MCMDC2: variants seen among roughly 807,000 people sequenced by gnomAD.
MCMDC2 encodes the protein minichromosome maintenance domain containing 2.
In MCMDC2, 54 loss-of-function variants were observed where a neutral mutation model predicts 75.8. The ratio of observed to expected loss-of-function variants is 0.71; its 90% CI spans 0.57 to 0.89. The LOEUF (loss-of-function observed/expected upper bound fraction) is 0.89. Ranked by LOEUF, MCMDC2 falls within the 40% of genes least tolerant of loss-of-function variation. The pLI, the probability that MCMDC2 is intolerant of heterozygous loss-of-function variation, is 0.00. For missense variants in MCMDC2, 656 were observed against 780.4 expected, an observed-to-expected ratio of 0.84 and a Z score of 1.90; for synonymous variants, 249 against 274.6, an observed-to-expected ratio of 0.91 and a Z score of 0.92.
At chr8:66,898,624 CAAA>C (rs1405645692) in intron 12 of MCMDC2, among the ~76,000 whole-genome samples, 5 of 58,604 alleles carry the variant, frequency 8.5e-5, no homozygotes, top group Admixed American at 3.7e-4. Context: ...AACTCCGTCT[CAAA>C]AAAAAAAAAA....
intron 14 of MCMDC2, 30 bp downstream of exon 14, chr8:66,905,365 C>A: frequency 1.4e-6 from 2 of 1,396,926 alleles, no homozygotes; most frequent in Non-Finnish European, 1.9e-6. Context: ...ATGATCACTA[C>A]AAATAACTTT....
intron 14 of MCMDC2, among the ~76,000 whole-genome samples, chr8:66,915,249 C>T (rs1178339979): frequency 6.6e-6 from 1 of 151,914 alleles, no homozygotes; most frequent in Non-Finnish European, 1.5e-5. Flanking sequence ...GTCAGGAGTT[C>T]AAGACCAGCC....
intron 9 of MCMDC2, among the ~76,000 whole-genome samples, chr8:66,886,176 T>C (rs112792389): frequency 6.6e-6 from 1 of 150,710 alleles, no homozygotes; most frequent in Non-Finnish European, 1.5e-5. Flanking sequence ...TTTTTTTTTT[T>C]TTTTTAAGAC....
At position 66,874,249 on chromosome 8, in the gene MCMDC2, G is replaced by A. The variant is rs55780533; in HGVS notation, c.94+15G>A. The A allele has an allele frequency of 0.028, 44,459 of 1,606,242 alleles. 767 individuals carry two copies. The highest frequency in any genetic ancestry group is 0.034 in the Non-Finnish European group (39,945 of 1,177,902). On this transcript the variant is annotated intron_variant, in intron 2 of 14. Transcript: ENST00000422365. Reference sequence around the variant, plus strand: ...GTACTACAATGGTACGTTCAGCAAAGGTGAGTTATTTTTAAAACTTTCAAA... The same window carrying A: ...GTACTACAATGGTACGTTCAGCAAAAGTGAGTTATTTTTAAAACTTTCAAA...
downstream of MCMDC2, chr8:66,922,868 T>A (rs890465474): frequency 1.0e-5 from 2 of 196,452 alleles, no homozygotes; most frequent in Middle Eastern, 2.2e-3. Flanking sequence ...CCAAACCACT[T>A]TTTAATAAAA....
intron 1 of MCMDC2, among the ~76,000 whole-genome samples, chr8:66,873,237 A>G (rs534572888): frequency 2.0e-5 from 3 of 152,282 alleles, no homozygotes; most frequent in Non-Finnish European, 2.9e-5. Flanking sequence ...CTGACACAAT[A>G]TTTAAAATTG....
rs1349058390 is a variant in MCMDC2 at position 66,874,231 on chromosome 8, A to T, written c.91A>T (p.Asn31Tyr). 1.9e-6 allele frequency: 3 copies of T among 1,611,934 alleles called. No homozygotes were observed. The highest frequency in any genetic ancestry group is 2.5e-6 in the Non-Finnish European group (3 of 1,179,434). ...QKFIDDCKYY[N>Y]DSKQSYAVYR... ...GTTTATAGATGATTGCAAGTACTAC[A>T]ATGGTACGTTCAGCAAAGGTGAGTT... is the stretch of plus-strand genomic sequence containing the variant. The change falls in exon 2 of 15, where the codon AAT becomes TAT. Residue 31 changes from asparagine to tyrosine, a missense_variant. Coordinates refer to ENST00000422365, the MANE Select transcript of MCMDC2 (RefSeq NM_173518.5).
At chr8:66,906,289 T>C (rs1352707803) in intron 14 of MCMDC2, among the ~76,000 whole-genome samples, 1 of 152,204 alleles carries the variant, frequency 6.6e-6, no homozygotes, top group Non-Finnish European at 1.5e-5. Flanking sequence ...TTAAAGAATG[T>C]ATTAACACTA....
chr8:66,890,624 G>C (rs1812060206), intron 9 of MCMDC2, among the ~76,000 whole-genome samples: 1 of 151,992 alleles, frequency 6.6e-6, no homozygotes, highest in Admixed American at 6.6e-5. Context: ...AGGTTCAAAT[G>C]ATTCTTGTGT....
chr8:66,896,823 T>A lies in MCMDC2; in HGVS notation c.1490T>A (p.Leu497Ter). ...IPANLVEAFG[L>*]LINCNESSPC... ...GCTAACCTTGTGGAGGCATTTGGTT[T>A]ATTGATTAACTGCAACGAGTCATCT... The change falls in exon 12 of 15, where the codon TTA becomes TAA. Residue 497 changes from leucine (L) to a stop codon, truncating the protein, a stop_gained. Transcript: ENST00000422365. LOFTEE classifies it high-confidence loss of function. 2 of 1,613,364 alleles carry A rather than the reference T, an allele frequency of 1.2e-6. No individual in the cohort carries two copies. Among genetic ancestry groups the A allele is most frequent in the Non-Finnish European group, 1.7e-6 (2 of 1,179,662 alleles).
At chr8:66,896,651 T>C in intron 11 of MCMDC2, 129 bp from the exon 12 acceptor site, 1 of 697,040 alleles carries the variant, frequency 1.4e-6, no homozygotes, top group South Asian at 6.7e-5. Flanking sequence ...TTACCTTAAA[T>C]TATAATTAAT....
intron 14 of MCMDC2, among the ~76,000 whole-genome samples, chr8:66,916,259 G>T (rs1490049712): frequency 6.6e-6 from 1 of 152,060 alleles, no homozygotes; most frequent in East Asian, 1.9e-4. Context: ...GGTGAGAGGG[G>T]TTAGGATCCA....
intron 9 of MCMDC2, chr8:66,884,405 A>C: frequency 5.6e-6 from 1 of 177,600 alleles, no homozygotes; most frequent in Non-Finnish European, 1.2e-5. Flanking sequence ...TGCCATAATT[A>C]CTATCTGGGG....
rs1387941498 is a variant in MCMDC2, at chr8:66,870,777, C to G, written c.-143C>G. On this transcript the variant is annotated 5_prime_UTR_variant, in exon 1 of 15. Transcript: ENST00000422365. The stretch of plus-strand genomic sequence containing the variant: ...ACGTGCGCGCATGCGCGCTAGGACT[C>G]CGCTCCGCCTACGCTGCAGGCGGAG... 6.6e-6 allele frequency: 1 copy of G among 152,242 alleles called. No individual in the cohort carries two copies. The highest frequency in any genetic ancestry group is 1.5e-5 in the Non-Finnish European group (1 of 68,054). 9.4% of individuals were successfully genotyped at this position (152,242 alleles called of 1,614,324 possible). A position where few individuals can be genotyped will look rare whatever the true frequency, so the allele number is the denominator to read the frequency against.
At chr8:66,889,454 A>G (rs186092673) in intron 9 of MCMDC2, among the ~76,000 whole-genome samples, 1 of 152,240 alleles carries the variant, frequency 6.6e-6, no homozygotes, top group African/African-American at 2.4e-5. Flanking sequence ...TGACTGCATC[A>G]TTGCATTCCA....
At position 66,884,001 on chromosome 8, in the gene MCMDC2, A is replaced by G; in HGVS notation, c.1073+7A>G. ...ATACTCTACTCATAGACAGGTATAT[A>G]TGTGACATGAATTTTTACAAATATT... On this transcript the variant is annotated splice_region_variant and intron_variant, in intron 9 of 14. Coordinates refer to ENST00000422365, the MANE Select transcript of MCMDC2 (RefSeq NM_173518.5). 1 of 1,555,042 alleles carries G rather than the reference A, an allele frequency of 6.4e-7. No homozygotes were observed. Among genetic ancestry groups the G allele is most frequent in the Non-Finnish European group, 8.9e-7 (1 of 1,128,062 alleles).
rs1421746400 is a variant in MCMDC2 at position 66,878,675 on chromosome 8, A to G, written c.583A>G (p.Arg195Gly). 1.3e-6 allele frequency: 2 copies of G among 1,567,746 alleles called. No individual in the cohort carries two copies. Among genetic ancestry groups the G allele is most frequent in the Non-Finnish European group, 1.7e-6 (2 of 1,164,426 alleles). The part of the protein sequence containing the change: ...NLCASSLQED[R>G]KFRVLGDKQI... ...ATGTGCATCTTCACTTCAAGAAGACAGAAAATTTAGAGTACTTGGTGGTAA... is the reference window on the plus strand; with the variant it reads ...ATGTGCATCTTCACTTCAAGAAGACGGAAAATTTAGAGTACTTGGTGGTAA... Residue 195 changes from arginine to glycine, a missense_variant, in exon 6 of 15, where the codon AGA becomes GGA. Coordinates refer to ENST00000422365, the MANE Select transcript of MCMDC2 (RefSeq NM_173518.5).
chr8:66,892,815 C>A (rs76357674), intron 10 of MCMDC2, among the ~76,000 whole-genome samples: 2,787 of 152,302 alleles, frequency 0.018, 88 homozygotes, highest in African/African-American at 0.062. Flanking sequence ...CTCCTGCCAT[C>A]ATCAGTCATA....
chr8:66,906,414 A>C (rs1812905320), intron 14 of MCMDC2, among the ~76,000 whole-genome samples: 2 of 152,164 alleles, frequency 1.3e-5, no homozygotes, highest in Admixed American at 1.3e-4. Context: ...TATTGTCTAA[A>C]GTTCTATAAA....
Sources: gnomAD v4.1 joint callset for allele counts (sites outside exome capture counted in the v4.1 genomes callset) on GRCh38, gnomAD v4.1.1 for gene constraint, MANE v1.5 for transcripts, NCBI Gene and HGNC (gene_info 2026-07-23, HGNC 2026-07-21) for gene names.